Variants in ADGRE2 observed in about 807,000 individuals in gnomAD.
ADGRE2 encodes adhesion G protein-coupled receptor E2, also known as CD97 antigen.
A neutral mutation model predicts 100.8 loss-of-function variants in ADGRE2; 83 were observed. The ratio of observed to expected loss-of-function variants is 0.82; its 90% CI spans 0.69 to 0.99. ADGRE2 has a LOEUF of 0.99. Ranked by LOEUF, ADGRE2 falls within the 50% of genes least tolerant of loss-of-function variation. The pLI is 0.00. For missense variants in ADGRE2, 814 were observed against 1,035.7 expected (o/e 0.79, Z 2.94); for synonymous variants, 355 against 413.0 (o/e 0.86, Z 1.70).
chr19:14,748,586 T>C (rs2158307), intron 16 of ADGRE2, among the ~76,000 whole-genome samples: 113,887 of 152,072 alleles, frequency 0.75, 43,185 homozygotes, highest in African/African-American at 0.85. Flanking sequence ...GGATTCCAGG[T>C]GTGAGCCACC....
At position 14,766,260 on chromosome 19, in the gene ADGRE2, A is replaced by G. The variant is rs2043970414; in HGVS notation, c.609T>C (p.Asn203=). 1 of 1,614,016 alleles carries G rather than the reference A, an allele frequency of 6.2e-7. No homozygotes were observed. Among genetic ancestry groups the G allele is most frequent in the South Asian group, 1.1e-5 (1 of 91,082 alleles). Residue 203 remains asparagine, a synonymous_variant, in exon 7 of 21, where the codon AAT becomes AAC. Transcript: ENST00000315576. ...CTTCACAGACGGTATTGTTTGGGCC[A>G]TTGGGGGACCCCGGAATCGGTTGCC... is the stretch of plus-strand genomic sequence containing the variant. ...PGWQPIPGSP[N]GPNNTVCEDV... is the part of the protein sequence containing the mutation.
chr19:14,755,314 G>A (rs893069362), intron 13 of ADGRE2, among the ~76,000 whole-genome samples, 187 bp from the exon 14 acceptor site: 2 of 151,908 alleles, frequency 1.3e-5, no homozygotes, highest in South Asian at 2.1e-4. Flanking sequence ...TTAGCTGGGC[G>A]TGGTAGCACA....
intron 18 of ADGRE2, among the ~76,000 whole-genome samples, chr19:14,744,325 A>G (rs1009492258): frequency 2.6e-5 from 4 of 152,198 alleles, no homozygotes; most frequent in African/African-American, 7.2e-5. Context: ...CAAATCACCA[A>G]TACAACCAGG....
intron 6 of ADGRE2, 140 bp from the exon 7 acceptor site, chr19:14,766,521 A>C: frequency 9.8e-7 from 1 of 1,016,358 alleles, no homozygotes; most frequent in Non-Finnish European, 1.4e-6. Flanking sequence ...GTGACCTTCA[A>C]CTTCACCTTC....
At chr19:14,770,683 T>TC (rs1568623343) in intron 5 of ADGRE2, among the ~76,000 whole-genome samples, 1 of 127,474 alleles carries the variant, frequency 7.8e-6, no homozygotes, top group African/African-American at 2.9e-5. Flanking sequence ...TTTTTTTTTT[T>TC]TTTTTTTTTT....
intron 1 of ADGRE2, 100 bp from the exon 2 acceptor site, chr19:14,777,027 C>G (rs2044471757): frequency 7.9e-7 from 1 of 1,270,156 alleles, no homozygotes; most frequent in Non-Finnish European, 1.0e-6. Context: ...TGTACTCGCT[C>G]AGCAAGAATG....
In ADGRE2 at chr19:14,764,695, A is replaced by G. The variant is rs2043885605; in HGVS notation, c.907-85T>C. On this transcript the variant is annotated intron_variant, in intron 10 of 20. Coordinates refer to ENST00000315576, the MANE Select transcript of ADGRE2 (RefSeq NM_013447.4). Reference sequence around the variant, plus strand: ...CCAACCGCTCAGCCCCAGGGAACAGATCCTAGAGACTGTCTATCTGGGGGA... The same window carrying G: ...CCAACCGCTCAGCCCCAGGGAACAGGTCCTAGAGACTGTCTATCTGGGGGA... The G allele has an allele frequency of 9.5e-6, 13 of 1,369,164 alleles. No individual in the cohort carries two copies. The African/African-American group carries it at 1.0e-4, about 11-fold the overall frequency. The allele number at this position is 1,369,164 out of a possible 1,614,324, so 84.8% of individuals were successfully genotyped here.
At chr19:14,740,136 T>TATGGGA (rs758071803) in intron 20 of ADGRE2, among the ~76,000 whole-genome samples, 285 of 150,928 alleles carry the variant, frequency 1.9e-3, no homozygotes, top group Admixed American at 3.3e-3. Flanking sequence ...CAGTCAATAA[T>TATGGGA]ATGGGAATGT....
At position 14,754,729 on chromosome 19, in the gene ADGRE2, C is replaced by G. The variant is rs369752727; in HGVS notation, c.1590+225G>C. Among the ~76,000 whole-genome samples, 7 of 152,268 alleles carry G rather than the reference C, an allele frequency of 4.6e-5. No homozygotes were observed. In the East Asian group the frequency reaches 7.7e-4, roughly 17 times the overall value. On this transcript the variant is annotated intron_variant, in intron 14 of 20. Coordinates refer to ENST00000315576, the MANE Select transcript of ADGRE2 (RefSeq NM_013447.4). ...CTGAATTCTGCCAGCAACCAGGGAG[C>G]TTGGAGAAGGACCTCAAGTCTCAGA...
intron 20 of ADGRE2, among the ~76,000 whole-genome samples, chr19:14,738,527 A>G (rs957189194): frequency 6.6e-6 from 1 of 151,988 alleles, no homozygotes; most frequent in South Asian, 2.1e-4. Context: ...ACAGGCATGC[A>G]CCACCATGCC....
chr19:14,776,861 G>C lies in ADGRE2; in HGVS notation c.-105C>G. On this transcript the variant is annotated 5_prime_UTR_variant, in exon 2 of 21. Transcript: ENST00000315576. ...AGCTGTGCGGGCTGTCCCGAGGCCA[G>C]GACTTTATAAAGGAGGGGGGGCGGA... 6.4e-7 allele frequency: 1 copy of C among 1,559,898 alleles called. No homozygotes were observed. Among genetic ancestry groups the C allele is most frequent in the South Asian group, 1.2e-5 (1 of 85,262 alleles).
chr19:14,766,611 A>G (rs1325267437), intron 6 of ADGRE2, among the ~76,000 whole-genome samples: 2 of 152,204 alleles, frequency 1.3e-5, no homozygotes, highest in African/African-American at 4.8e-5. Flanking sequence ...TGAAACCAAA[A>G]GGGAAACTGA....
rs1398732846 is a variant in ADGRE2 at position 14,751,468 on chromosome 19, G to T, written c.1992C>A (p.Ala664=). The part of the protein sequence containing the change: ...VPAVTVAISA[A]SRPHLYGTPS... ...GTGTTCCATAAAGGTGAGGCCTGGAGGCTGCAGAAATGGCCACTGTCACAG... is the reference window on the plus strand; with the variant it reads ...GTGTTCCATAAAGGTGAGGCCTGGATGCTGCAGAAATGGCCACTGTCACAG... The change falls in exon 16 of 21, where the codon GCC becomes GCA. Residue 664 remains alanine (A), a synonymous_variant. Transcript: ENST00000315576. 4 of 1,614,002 alleles carry T rather than the reference G, an allele frequency of 2.5e-6. No homozygotes were observed. The Admixed American group carries it at 5.0e-5, about 20-fold the overall frequency.
chr19:14,743,881 G>A (rs1182844940), intron 18 of ADGRE2, 97 bp from the exon 19 acceptor site: 30 of 1,115,862 alleles, frequency 2.7e-5, no homozygotes, highest in Non-Finnish European at 3.6e-5. Flanking sequence ...CTCCCCTGTA[G>A]ATGATTTCTC....
At position 14,752,422 on chromosome 19, in the gene ADGRE2, C is replaced by G; in HGVS notation, c.1695G>C (p.Gln565His). 6.2e-7 allele frequency: 1 copy of G among 1,601,970 alleles called. No individual in the cohort carries two copies. Among genetic ancestry groups the G allele is most frequent in the Non-Finnish European group, 8.5e-7 (1 of 1,170,496 alleles). Residue 565 changes from glutamine to histidine, a missense_variant, in exon 15 of 21, where the codon CAG becomes CAC. Coordinates refer to ENST00000315576, the MANE Select transcript of ADGRE2 (RefSeq NM_013447.4). ...ALTFLLCKAIQNTSTSLHLQL... is the reference protein window; with the variant it reads ...ALTFLLCKAIHNTSTSLHLQL... ...GCAGATGCAGTGAGGTGCTGGTGTT[C>G]TGGATGGCTTTACACAGGAGAAAAG...
chr19:14,758,210 A>G (rs1410525851), intron 11 of ADGRE2, among the ~76,000 whole-genome samples: 1 of 152,260 alleles, frequency 6.6e-6, no homozygotes, highest in African/African-American at 2.4e-5. Context: ...ATTAAAGTGA[A>G]AAGACAAGAA....
chr19:14,725,246 T>C, the ADGRE2 span, among the ~76,000 whole-genome samples: 3 of 152,118 alleles, frequency 2.0e-5, no homozygotes, highest in Admixed American at 6.6e-5. Flanking sequence ...GGGATGACAC[T>C]AAGCCATTCA....
chr19:14,773,183 C>G (rs2044283760), intron 4 of ADGRE2, among the ~76,000 whole-genome samples: 1 of 148,784 alleles, frequency 6.7e-6, no homozygotes, highest in Admixed American at 6.7e-5. Context: ...TAACGGTAAA[C>G]TGAGGCACAG....
chr19:14,736,574 A>G (rs1290569045), intron 20 of ADGRE2, among the ~76,000 whole-genome samples: 5 of 149,104 alleles, frequency 3.4e-5, no homozygotes, highest in East Asian at 3.9e-4. Context: ...ATATATATAT[A>G]TTTCTAAATA....
Sources: allele counts gnomAD v4.1 joint callset (sites outside exome capture counted in the v4.1 genomes callset), GRCh38; gene constraint gnomAD v4.1.1; transcripts MANE v1.5; gene names NCBI Gene and HGNC (gene_info 2026-07-23, HGNC 2026-07-21).